Variants in SNX29 observed in about 807,000 individuals in gnomAD.
SNX29 encodes sorting nexin 29.
SNX29 carries 78 observed loss-of-function variants against 102.1 expected under a neutral mutation model. The ratio of observed to expected loss-of-function variants is 0.76; its 90% CI spans 0.64 to 0.92. The LOEUF is 0.92. Ranked by LOEUF, SNX29 falls within the 40% of genes least tolerant of loss-of-function variation. SNX29 has a pLI of 0.00. For synonymous variants in SNX29, 580 were observed against 414.5 expected, an observed-to-expected ratio of 1.40 and a Z score of -4.85; for missense variants, 1,280 against 1,061.7, an observed-to-expected ratio of 1.21 and a Z score of -2.86.
chr16:12,389,401 A>C (rs1346294131), intron 16 of SNX29, among the ~76,000 whole-genome samples: 3 of 152,102 alleles, frequency 2.0e-5, no homozygotes. Context: ...GGTAGTGATT[A>C]AGTCTCATGA....
At chr16:12,403,242 GTGTGTGTGTGTGT>G (rs1567527944) in intron 17 of SNX29, among the ~76,000 whole-genome samples, 193 bp from the exon 18 acceptor site, 111 of 145,478 alleles carry the variant, frequency 7.6e-4, no homozygotes, top group Middle Eastern at 3.6e-3. Context: ...GTGTGTGTGT[GTGTGTGTGTGTGT>G]AGAGAGAGAC....
At chr16:12,524,870 G>A (rs56845136) in intron 20 of SNX29, 29 bp downstream of exon 20, 20,130 of 1,596,418 alleles carry the variant, frequency 0.013, 453 homozygotes, top group East Asian at 0.088. Context: ...GACATGGGCC[G>A]CCAGCCCTGC....
At chr16:12,452,384 A>G (rs924641170) in intron 18 of SNX29, among the ~76,000 whole-genome samples, 1 of 152,276 alleles carries the variant, frequency 6.6e-6, no homozygotes, top group Non-Finnish European at 1.5e-5. Context: ...TGTGTTCTCA[A>G]TAGCGGGTAG....
chr16:12,345,357 G>A (rs192013902), intron 15 of SNX29, among the ~76,000 whole-genome samples: 2 of 152,258 alleles, frequency 1.3e-5, no homozygotes, highest in Admixed American at 1.3e-4. Context: ...ATAAAATAGG[G>A]ACAACACCAG....
In SNX29 at chr16:12,573,955, G is replaced by T. The variant is rs145472350; in HGVS notation, c.*5326G>T. On this transcript the variant is annotated 3_prime_UTR_variant, in exon 21 of 21. Transcript: ENST00000566228. ...GCGAGTCTTTTTTGAATGGAGGAGCGATGGTAACCCCACTAGGGGGCGCCC... is the reference window on the plus strand; with the variant it reads ...GCGAGTCTTTTTTGAATGGAGGAGCTATGGTAACCCCACTAGGGGGCGCCC... 2 of 199,586 alleles carry T rather than the reference G, an allele frequency of 1.0e-5. No individual in the cohort carries two copies. Among genetic ancestry groups the T allele is most frequent in the African/African-American group, 4.6e-5 (2 of 43,614 alleles). 12.4% of individuals were successfully genotyped at this position (199,586 alleles called of 1,614,324 possible).
intron 14 of SNX29, among the ~76,000 whole-genome samples, chr16:12,271,874 TA>T: frequency 6.6e-6 from 1 of 152,276 alleles, no homozygotes; most frequent in South Asian, 2.1e-4. Flanking sequence ...CCGCCTGCCT[TA>T]GCCTCCCGAA....
intron 20 of SNX29, among the ~76,000 whole-genome samples, chr16:12,549,998 A>T (rs759519839): frequency 1.3e-5 from 2 of 152,330 alleles, no homozygotes; most frequent in Middle Eastern, 3.4e-3. Context: ...ATAGCTTCTT[A>T]TTATAAGGGC....
At chr16:12,286,205 T>C (rs562633580) in intron 15 of SNX29, among the ~76,000 whole-genome samples, 8 of 152,132 alleles carry the variant, frequency 5.3e-5, no homozygotes, top group South Asian at 2.1e-4. Context: ...TTACCTCATA[T>C]AGTTTGATTA....
chr16:12,135,576 T>TTC (rs1454061878), intron 13 of SNX29: 5 of 1,335,432 alleles, frequency 3.7e-6, no homozygotes, highest in Admixed American at 2.2e-5. Context: ...TGTGAGGAGA[T>TTC]TCTAACCCCA....
chr16:11,987,307 C>T (rs1287460993), intron 1 of SNX29, among the ~76,000 whole-genome samples: 1 of 151,940 alleles, frequency 6.6e-6, no homozygotes, highest in Non-Finnish European at 1.5e-5. Flanking sequence ...TGAGCCCAAG[C>T]AGCCCTCCCA....
intron 3 of SNX29, among the ~76,000 whole-genome samples, chr16:12,005,696 C>T (rs1434381612): frequency 6.6e-6 from 1 of 152,058 alleles, no homozygotes; most frequent in Non-Finnish European, 1.5e-5. Context: ...GTGGAGTATC[C>T]CTCATCCAAA....
At chr16:12,214,007 G>A (rs1306356107) in intron 14 of SNX29, among the ~76,000 whole-genome samples, 1 of 152,098 alleles carries the variant, frequency 6.6e-6, no homozygotes, top group African/African-American at 2.4e-5. Context: ...CACTCCTTGG[G>A]AAAACGTCAT....
At chr16:12,355,742 T>A (rs2082111377) in intron 15 of SNX29, among the ~76,000 whole-genome samples, 1 of 150,280 alleles carries the variant, frequency 6.7e-6, no homozygotes. Flanking sequence ...CCCAAATGGG[T>A]TGCATGTGGG....
At chr16:12,393,418 A>G (rs1030154129) in intron 16 of SNX29, among the ~76,000 whole-genome samples, 5 of 140,312 alleles carry the variant, frequency 3.6e-5, no homozygotes, top group Non-Finnish European at 8.0e-5. Flanking sequence ...GCATGCATTC[A>G]TTCATTCATT....
At chr16:12,239,712 C>T (rs9936161) in intron 14 of SNX29, among the ~76,000 whole-genome samples, 3,723 of 147,318 alleles carry the variant, frequency 0.025, 167 homozygotes, top group African/African-American at 0.087. Context: ...CCCAGCTACT[C>T]GGGAGGCTGA....
At chr16:12,150,318 A>G (rs1038494126) in intron 13 of SNX29, among the ~76,000 whole-genome samples, 5 of 152,204 alleles carry the variant, frequency 3.3e-5, no homozygotes, top group African/African-American at 1.2e-4. Flanking sequence ...GACTGGGTAG[A>G]TCAACCATGA....
chr16:12,383,452 T>A (rs2083242723), intron 16 of SNX29, among the ~76,000 whole-genome samples: 1 of 152,204 alleles, frequency 6.6e-6, no homozygotes, highest in Admixed American at 6.5e-5. Context: ...CTTTTTTCTT[T>A]TTGGGACAGA....
rs149487307 is a variant in SNX29, at chr16:12,274,020, T to G, written c.1679-3913T>G. ...TGGGTTGTTTATGCTTTTTTGTTACTATGAAGTATTCTCTGGCTCCCTTTT... is the reference window on the plus strand; with the variant it reads ...TGGGTTGTTTATGCTTTTTTGTTACGATGAAGTATTCTCTGGCTCCCTTTT... On this transcript the variant is annotated intron_variant, in intron 14 of 20. Transcript: ENST00000566228. Among the ~76,000 whole-genome samples the G allele has an allele frequency of 6.8e-3, 1,036 of 152,354 alleles. 3 individuals are homozygous for G. Among genetic ancestry groups the G allele is most frequent in the Non-Finnish European group, 1.0e-2 (678 of 68,038 alleles).
chr16:12,216,242 A>T (rs555792832), intron 14 of SNX29, among the ~76,000 whole-genome samples: 14 of 152,348 alleles, frequency 9.2e-5, no homozygotes, highest in African/African-American at 3.4e-4. Context: ...ATTTTGGAAT[A>T]TATTTTTCCG....
Sources: allele counts gnomAD v4.1 joint callset (sites outside exome capture counted in the v4.1 genomes callset), GRCh38; gene constraint gnomAD v4.1.1; transcripts MANE v1.5; gene names NCBI Gene and HGNC (gene_info 2026-07-23, HGNC 2026-07-21).